Variants in ILRUN observed in about 807,000 individuals in gnomAD.
ILRUN encodes protein ILRUN.
A neutral mutation model predicts 33.8 loss-of-function variants in ILRUN; 3 were observed. The observed-to-expected ratio is 0.09, with a 90% CI of 0.04 to 0.23. The LOEUF is 0.23. ILRUN is among the 10% of genes least tolerant of loss of function. ILRUN has a pLI of 1.00. For missense variants in ILRUN, 210 were observed against 375.1 expected, an observed-to-expected ratio of 0.56 and a Z score of 3.64; for synonymous variants, 124 against 138.9, an observed-to-expected ratio of 0.89 and a Z score of 0.75.
intron 4 of ILRUN, among the ~76,000 whole-genome samples, chr6:34,600,442 C>T (rs2127313818): frequency 6.6e-6 from 1 of 152,208 alleles, no homozygotes; most frequent in Non-Finnish European, 1.5e-5. Context: ...TAGGACAGCC[C>T]CTACGTATGT....
chr6:34,633,827 A>C (rs1056450135), intron 3 of ILRUN, among the ~76,000 whole-genome samples: 4 of 141,814 alleles, frequency 2.8e-5, no homozygotes, highest in Non-Finnish European at 6.2e-5. Flanking sequence ...AAAAAAGAGA[A>C]TAGGAAGAGA....
chr6:34,683,408 A>ATATTATATATACG, intron 1 of ILRUN, among the ~76,000 whole-genome samples: 2 of 97,704 alleles, frequency 2.0e-5, no homozygotes, highest in African/African-American at 1.4e-4. Context: ...ACATATATAC[A>ATATTATATATACG]TATATATATA....
At chr6:34,690,954 G>C (rs922095302) in intron 1 of ILRUN, among the ~76,000 whole-genome samples, 88 of 152,074 alleles carry the variant, frequency 5.8e-4, no homozygotes, top group African/African-American at 2.1e-3. Context: ...GCGTGATCTC[G>C]GCTCACTGCA....
intron 2 of ILRUN, among the ~76,000 whole-genome samples, chr6:34,650,810 G>A (rs1460789246): frequency 6.6e-6 from 1 of 152,100 alleles, no homozygotes; most frequent in African/African-American, 2.4e-5. Flanking sequence ...AAGCTATTGG[G>A]ACAACTATAT....
At chr6:34,670,039 G>A (rs1763084277) in intron 1 of ILRUN, among the ~76,000 whole-genome samples, 1 of 152,016 alleles carries the variant, frequency 6.6e-6, no homozygotes, top group African/African-American at 2.4e-5. Context: ...AGCCTCCCGA[G>A]TAGCTGGGAT....
At chr6:34,616,295 G>A (rs1582047441) in intron 3 of ILRUN, among the ~76,000 whole-genome samples, 1 of 152,166 alleles carries the variant, frequency 6.6e-6, no homozygotes, top group East Asian at 1.9e-4. Flanking sequence ...AAATCCTTTA[G>A]GAAGATCAAC....
chr6:34,681,276 A>G (rs1763352988), intron 1 of ILRUN, among the ~76,000 whole-genome samples: 1 of 152,116 alleles, frequency 6.6e-6, no homozygotes, highest in African/African-American at 2.4e-5. Flanking sequence ...AAGCACAACT[A>G]TTCATTTTAA....
chr6:34,629,369 A>G (rs891377827), intron 3 of ILRUN, among the ~76,000 whole-genome samples: 13 of 152,190 alleles, frequency 8.5e-5, no homozygotes, highest in African/African-American at 2.9e-4. Flanking sequence ...TAATTATCCT[A>G]TGTTGGCCAT....
At chr6:34,692,863 G>A (rs867023169) in intron 1 of ILRUN, among the ~76,000 whole-genome samples, 4 of 151,870 alleles carry the variant, frequency 2.6e-5, no homozygotes, top group Non-Finnish European at 2.9e-5. Context: ...GTTATATAAC[G>A]TGCACATTAC....
At position 34,646,701 on chromosome 6, in the gene ILRUN, T is replaced by C; in HGVS notation, c.411A>G (p.Gln137=). Residue 137 remains glutamine, a synonymous_variant, in exon 3 of 5, where the codon CAA becomes CAG. Transcript: ENST00000374023. This position sits in a 1 kb window ranked among gnomAD's most constrained non-coding sequence, Gnocchi z 4.9. ...TCTGGACGCTGACATCTGCAATCTC[T>C]TGGGGCTCTAGCGATCTCACCATCA... is the stretch of plus-strand genomic sequence containing the variant. ...NMVMVRSLEP[Q]EIADVSVQMC... 1.9e-6 allele frequency: 3 copies of C among 1,614,164 alleles called. No homozygotes were observed. The highest frequency in any genetic ancestry group is 2.5e-6 in the Non-Finnish European group (3 of 1,180,018).
At chr6:34,673,904 TACACACACACACACAC>T (rs370280008) in intron 1 of ILRUN, among the ~76,000 whole-genome samples, 43 of 113,088 alleles carry the variant, frequency 3.8e-4, no homozygotes, top group African/African-American at 1.1e-3. Flanking sequence ...AACAACCACA[TACACACACACACACAC>T]ACACACACAC....
chr6:34,674,555 G>A (rs770792638), intron 1 of ILRUN, among the ~76,000 whole-genome samples: 11 of 152,056 alleles, frequency 7.2e-5, no homozygotes, highest in Non-Finnish European at 1.6e-4. Context: ...TGAGAGAGAG[G>A]TAACAAAACC....
At chr6:34,608,332 G>A (rs976031591) in intron 3 of ILRUN, among the ~76,000 whole-genome samples, 8 of 151,656 alleles carry the variant, frequency 5.3e-5, no homozygotes, top group Non-Finnish European at 1.0e-4. Flanking sequence ...AGGTGGAGCC[G>A]AGATTGTGCC....
At chr6:34,649,172 T>C (rs1762612430) in intron 2 of ILRUN, among the ~76,000 whole-genome samples, 1 of 152,142 alleles carries the variant, frequency 6.6e-6, no homozygotes, top group South Asian at 2.1e-4. Flanking sequence ...GGCTATGAAG[T>C]GAAAAACCAA....
chr6:34,683,360 T>A (rs1763414067), intron 1 of ILRUN, among the ~76,000 whole-genome samples: 2 of 147,648 alleles, frequency 1.4e-5, no homozygotes, highest in Non-Finnish European at 1.5e-5. Context: ...TAATTTTACA[T>A]ACATATTCAT....
At chr6:34,654,924 G>A (rs1177322240) in intron 1 of ILRUN, 145 bp from the exon 2 acceptor site, 1 of 616,244 alleles carries the variant, frequency 1.6e-6, no homozygotes, top group Non-Finnish European at 2.6e-6. Context: ...CTTCTATTCT[G>A]GCTGAGGAAC....
chr6:34,656,732 G>C (rs1762777803), intron 1 of ILRUN, among the ~76,000 whole-genome samples: 1 of 152,212 alleles, frequency 6.6e-6, no homozygotes, highest in East Asian at 1.9e-4. Context: ...GCTCCTCCAG[G>C]TGCTTGCAGC....
At chr6:34,634,788 A>C (rs933558384) in intron 3 of ILRUN, among the ~76,000 whole-genome samples, 1 of 152,218 alleles carries the variant, frequency 6.6e-6, no homozygotes, top group African/African-American at 2.4e-5. Context: ...TGAACTAGTA[A>C]TTGAAAACCT....
chr6:34,648,518 C>A (rs1387129774), intron 2 of ILRUN, among the ~76,000 whole-genome samples: 1 of 152,184 alleles, frequency 6.6e-6, no homozygotes, highest in Non-Finnish European at 1.5e-5. Flanking sequence ...AATTTGCCAA[C>A]AAAATGTCCT....
Sources: allele counts gnomAD v4.1 joint callset (sites outside exome capture counted in the v4.1 genomes callset), GRCh38; gene constraint gnomAD v4.1.1; non-coding constraint Gnocchi (gnomAD v3.1); transcripts MANE v1.5; gene names NCBI Gene and HGNC (gene_info 2026-07-23, HGNC 2026-07-21).